RBMS1: variants seen among roughly 807,000 people sequenced by gnomAD.
The protein encoded by RBMS1 is RNA binding motif single stranded interacting protein 1.
In RBMS1, 17 loss-of-function variants were observed where a neutral mutation model predicts 62.3. The ratio of observed to expected loss-of-function variants is 0.27; its 90% confidence interval spans 0.19 to 0.41. The LOEUF is 0.41. Among genes scored for constraint, RBMS1 ranks in the 10% least tolerant of loss-of-function variants. The pLI, the probability that RBMS1 is intolerant of heterozygous loss-of-function variation, is 1.00. For missense variants in RBMS1, 334 were observed against 504.5 expected (o/e 0.66, Z 3.24); for synonymous variants, 172 against 170.0 (o/e 1.01, Z -0.09).
intron 1 of RBMS1, among the ~76,000 whole-genome samples, chr2:160,440,937 T>C (rs1440162060): frequency 2.0e-5 from 3 of 152,240 alleles, no homozygotes; most frequent in Non-Finnish European, 4.4e-5. Flanking sequence ...AGTGTTCAGT[T>C]CATGAGTTTT....
At chr2:160,400,811 C>T (rs182578914) in intron 1 of RBMS1, among the ~76,000 whole-genome samples, 2 of 151,968 alleles carry the variant, frequency 1.3e-5, no homozygotes, top group African/African-American at 4.8e-5. Flanking sequence ...AAAGGTAGGA[C>T]AGGAGTTTGC....
chr2:160,278,335 G>A (rs1215290230), intron 11 of RBMS1: 3 of 581,552 alleles, frequency 5.2e-6, no homozygotes, highest in Non-Finnish European at 9.3e-6. Context: ...CTATATTCTC[G>A]TAAAGGAGAG....
At chr2:160,336,474 C>T (rs1261290242) in intron 2 of RBMS1, among the ~76,000 whole-genome samples, 1 of 152,058 alleles carries the variant, frequency 6.6e-6, no homozygotes, top group Non-Finnish European at 1.5e-5. Context: ...ACCAAATACA[C>T]ATTCCCCACC....
chr2:160,290,232 C>T (rs1384818834), intron 6 of RBMS1, among the ~76,000 whole-genome samples: 1 of 150,616 alleles, frequency 6.6e-6, no homozygotes, highest in African/African-American at 2.4e-5. Context: ...TAGAGCGTAC[C>T]TTTCAGCTGA....
At position 160,274,345 on chromosome 2, in the gene RBMS1, G is replaced by A. The variant is rs186324904; in HGVS notation, c.*427C>T. 2,287 of 147,072 alleles carry A rather than the reference G, an allele frequency of 0.016. 39 individuals carry two copies. Among genetic ancestry groups the A allele is most frequent in the Non-Finnish European group, 0.02 (1,322 of 66,450 alleles). 9.1% of individuals were successfully genotyped at this position (147,072 alleles called of 1,614,324 possible). On this transcript the variant is annotated 3_prime_UTR_variant, in exon 14 of 14. Coordinates refer to ENST00000348849, the MANE Select transcript of RBMS1 (RefSeq NM_016836.4). ...TCAGAAAGCCCATTTCATACAGCTG[G>A]AAAAAAAAAACACAAATTAAACACA...
At chr2:160,392,929 T>C (rs1694940774) in intron 1 of RBMS1, among the ~76,000 whole-genome samples, 1 of 152,184 alleles carries the variant, frequency 6.6e-6, no homozygotes, top group Non-Finnish European at 1.5e-5. Context: ...AAGGACCTCT[T>C]AGAATGTTAA....
chr2:160,435,921 T>G (rs1178541615), intron 1 of RBMS1, among the ~76,000 whole-genome samples: 1 of 152,168 alleles, frequency 6.6e-6, no homozygotes. Context: ...GACTGGGGTA[T>G]AGAGGAGCAG....
intron 2 of RBMS1, among the ~76,000 whole-genome samples, chr2:160,366,234 C>A (rs889928465): frequency 1.3e-5 from 2 of 151,956 alleles, no homozygotes; most frequent in Non-Finnish European, 2.9e-5. Flanking sequence ...AAATAACTGA[C>A]CAAGTTAGTT....
intron 1 of RBMS1, among the ~76,000 whole-genome samples, chr2:160,403,705 A>C (rs1160485161): frequency 6.6e-6 from 1 of 152,144 alleles, no homozygotes. Context: ...AAAATTTTGC[A>C]TTCACTCCCC....
At chr2:160,422,958 C>T (rs1025600527) in intron 1 of RBMS1, among the ~76,000 whole-genome samples, 7 of 152,162 alleles carry the variant, frequency 4.6e-5, no homozygotes, top group Non-Finnish European at 1.0e-4. Context: ...AATCCTACCC[C>T]TACAATGATA....
intron 1 of RBMS1, among the ~76,000 whole-genome samples, chr2:160,426,887 C>T (rs62177354): frequency 0.025 from 3,805 of 152,228 alleles, 70 homozygotes; most frequent in Middle Eastern, 0.061. Flanking sequence ...ACATTATAAA[C>T]AAAGGTCTTC....
At chr2:160,344,363 T>A (rs62177275) in intron 2 of RBMS1, among the ~76,000 whole-genome samples, 11,535 of 152,220 alleles carry the variant, frequency 0.076, 620 homozygotes, top group South Asian at 0.19. Flanking sequence ...CTGAGATACC[T>A]TCCGTGGAGC....
intron 1 of RBMS1, among the ~76,000 whole-genome samples, chr2:160,441,138 G>C (rs1024252666): frequency 6.7e-6 from 1 of 150,146 alleles, no homozygotes; most frequent in East Asian, 2.1e-4. Flanking sequence ...TCGTTTTTTT[G>C]CAACTGGCTT....
intron 1 of RBMS1, among the ~76,000 whole-genome samples, chr2:160,462,163 C>G (rs987004498): frequency 6.6e-6 from 1 of 152,140 alleles, no homozygotes; most frequent in Non-Finnish European, 1.5e-5. Context: ...ATCAGATTCA[C>G]CAGGGCGAGG....
intron 1 of RBMS1, among the ~76,000 whole-genome samples, chr2:160,395,923 A>G (rs962222239): frequency 2.0e-5 from 3 of 152,182 alleles, no homozygotes; most frequent in African/African-American, 4.8e-5. Flanking sequence ...CCTCTTTTGT[A>G]TACAAACTGA....
intron 1 of RBMS1, among the ~76,000 whole-genome samples, chr2:160,428,743 C>T (rs1361585344): frequency 1.3e-5 from 2 of 152,082 alleles, no homozygotes; most frequent in African/African-American, 4.8e-5. Flanking sequence ...TAGATGGACC[C>T]GTAACAGACT....
chr2:160,429,233 CT>C (rs1356767060), intron 1 of RBMS1, among the ~76,000 whole-genome samples: 24 of 151,952 alleles, frequency 1.6e-4, no homozygotes, highest in Admixed American at 1.1e-3. Context: ...TCCTTTCTTC[CT>C]TTTTTTTCAT....
chr2:160,292,960 G>T (rs1688757840), intron 6 of RBMS1, among the ~76,000 whole-genome samples: 1 of 152,194 alleles, frequency 6.6e-6, no homozygotes, highest in Non-Finnish European at 1.5e-5. Flanking sequence ...CAGCGCTTTT[G>T]CTGTCACGAC....
At chr2:160,294,780 T>TGAAATGTTATGTCTACC (rs1452116308) in intron 6 of RBMS1, among the ~76,000 whole-genome samples, 2 of 152,204 alleles carry the variant, frequency 1.3e-5, no homozygotes, top group African/African-American at 4.8e-5. Flanking sequence ...ACTGTATTTA[T>TGAAATGTTATGTCTACC]GAAATGTTAT....
Sources: allele counts gnomAD v4.1 joint callset (sites outside exome capture counted in the v4.1 genomes callset), GRCh38; gene constraint gnomAD v4.1.1; transcripts MANE v1.5; gene names NCBI Gene and HGNC (gene_info 2026-07-23, HGNC 2026-07-21).